Variants in TMEM132B observed in about 807,000 individuals in gnomAD.
TMEM132B encodes the protein transmembrane protein 132B.
TMEM132B carries 18 observed loss-of-function variants against 90.8 expected under a neutral mutation model. The ratio of observed to expected loss-of-function variants is 0.20; its 90% CI spans 0.14 to 0.29. The LOEUF (loss-of-function observed/expected upper bound fraction) is 0.29. TMEM132B is among the 10% of genes least tolerant of loss of function. The pLI, the probability that TMEM132B is intolerant of heterozygous loss-of-function variation, is 1.00. For missense variants in TMEM132B, 1,096 were observed against 1,326.8 expected (o/e 0.83, Z 2.70); for synonymous variants, 504 against 523.3 (o/e 0.96, Z 0.50).
chr12:125,267,241 G>A (rs561592208), intron 1 of TMEM132B, among the ~76,000 whole-genome samples: 1 of 152,244 alleles, frequency 6.6e-6, no homozygotes, highest in South Asian at 2.1e-4. Context: ...CCCTAGGCTG[G>A]TGTCTGTGTG....
At chr12:125,237,033 T>C (rs868446666) in intron 1 of TMEM132B, among the ~76,000 whole-genome samples, 15 of 152,152 alleles carry the variant, frequency 9.9e-5, no homozygotes, top group African/African-American at 3.4e-4. Context: ...CCCCACTGAG[T>C]GTCCTAAAGA....
chr12:125,315,591 C>T (rs566919161), intron 1 of TMEM132B, among the ~76,000 whole-genome samples: 13 of 152,276 alleles, frequency 8.5e-5, no homozygotes, highest in South Asian at 2.1e-4. Flanking sequence ...ATGATAGCCC[C>T]GATGCCGTGG....
chr12:125,231,209 G>A (rs1174538718), intron 1 of TMEM132B, among the ~76,000 whole-genome samples: 7 of 119,424 alleles, frequency 5.9e-5, no homozygotes, highest in African/African-American at 1.8e-4. Context: ...GCTGTCTTCC[G>A]TGTGTGTGTG....
At chr12:125,626,422 C>CAT (rs1886232722) in intron 5 of TMEM132B, among the ~76,000 whole-genome samples, 1 of 152,128 alleles carries the variant, frequency 6.6e-6, no homozygotes, top group African/African-American at 2.4e-5. Flanking sequence ...ATTGCTGGAT[C>CAT]ATATGGTAGT....
chr12:125,359,938 C>T (rs560031989), intron 2 of TMEM132B, among the ~76,000 whole-genome samples: 1 of 152,190 alleles, frequency 6.6e-6, no homozygotes, highest in South Asian at 2.1e-4. Context: ...ATTAGCTGGG[C>T]GTGGTGGCAC....
intron 3 of TMEM132B, among the ~76,000 whole-genome samples, chr12:125,453,445 G>T (rs1306446147): frequency 6.6e-6 from 1 of 152,104 alleles, no homozygotes; most frequent in Admixed American, 6.5e-5. Flanking sequence ...CAAAGCAAGA[G>T]CATTAATGTA....
At chr12:125,521,337 A>T (rs1883301181) in intron 4 of TMEM132B, among the ~76,000 whole-genome samples, 1 of 150,104 alleles carries the variant, frequency 6.7e-6, no homozygotes, top group African/African-American at 2.5e-5. Flanking sequence ...CCTTTTCCTT[A>T]TTCCAAAGCA....
chr12:125,503,998 G>A (rs1882766216), intron 3 of TMEM132B, among the ~76,000 whole-genome samples: 1 of 152,196 alleles, frequency 6.6e-6, no homozygotes, highest in Non-Finnish European at 1.5e-5. Context: ...GAAAGATTTC[G>A]AGGCTGTTGT....
chr12:125,433,665 C>T (rs1880610443), intron 3 of TMEM132B, among the ~76,000 whole-genome samples: 2 of 97,000 alleles, frequency 2.1e-5, no homozygotes, highest in African/African-American at 8.1e-5. Flanking sequence ...TGCTATCCCT[C>T]CCCCCTCCCC....
chr12:125,450,007 T>C (rs187240493), intron 3 of TMEM132B, among the ~76,000 whole-genome samples: 90 of 152,324 alleles, frequency 5.9e-4, no homozygotes, highest in Middle Eastern at 6.8e-3. Context: ...AAACTGTGTA[T>C]TCACATTTGT....
chr12:125,276,376 C>T (rs1388775756), intron 1 of TMEM132B, among the ~76,000 whole-genome samples: 1 of 152,134 alleles, frequency 6.6e-6, no homozygotes, highest in Non-Finnish European at 1.5e-5. Context: ...ATCACAGTGA[C>T]CAGAACTGCA....
At chr12:125,540,903 T>C (rs1883937902) in intron 4 of TMEM132B, among the ~76,000 whole-genome samples, 1 of 152,242 alleles carries the variant, frequency 6.6e-6, no homozygotes, top group African/African-American at 2.4e-5. Flanking sequence ...TGACTTCACC[T>C]CCTAATCACT....
At chr12:125,195,855 G>C (rs902922618) in intron 1 of TMEM132B, among the ~76,000 whole-genome samples, 2 of 152,170 alleles carry the variant, frequency 1.3e-5, no homozygotes, top group African/African-American at 4.8e-5. Context: ...GCTTGGCAGG[G>C]TCGAGGGACA....
At chr12:125,474,279 C>CCCCTCCCCTT in intron 3 of TMEM132B, among the ~76,000 whole-genome samples, 1 of 136,104 alleles carries the variant, frequency 7.3e-6, no homozygotes, top group African/African-American at 2.9e-5. Context: ...TCCCTCCCCT[C>CCCCTCCCCTT]CCCTCCCCTT....
chr12:125,230,684 TC>T (rs1444309420), intron 1 of TMEM132B, among the ~76,000 whole-genome samples: 2 of 150,778 alleles, frequency 1.3e-5, no homozygotes, highest in African/African-American at 4.9e-5. Flanking sequence ...TTTTTTTTTT[TC>T]AGTAGAGACG....
At chr12:125,523,031 T>C (rs1883350318) in intron 4 of TMEM132B, among the ~76,000 whole-genome samples, 1 of 152,172 alleles carries the variant, frequency 6.6e-6, no homozygotes, top group Admixed American at 6.5e-5. Flanking sequence ...GCTTGCTGGA[T>C]GTTTTTTCAG....
At chr12:125,239,473 T>C (rs1175695807) in intron 1 of TMEM132B, among the ~76,000 whole-genome samples, 2 of 152,122 alleles carry the variant, frequency 1.3e-5, no homozygotes, top group African/African-American at 4.8e-5. Flanking sequence ...ACTTAGGGAG[T>C]TCCACTGGAT....
intron 3 of TMEM132B, among the ~76,000 whole-genome samples, chr12:125,513,058 C>T (rs1883022394): frequency 6.6e-6 from 1 of 152,318 alleles, no homozygotes; most frequent in Admixed American, 6.5e-5. Context: ...CTAGCCCAGT[C>T]CTCAAAGCTC....
At chr12:125,218,143 A>G (rs1873479791) in intron 1 of TMEM132B, among the ~76,000 whole-genome samples, 1 of 152,148 alleles carries the variant, frequency 6.6e-6, no homozygotes, top group Admixed American at 6.5e-5. Flanking sequence ...CACCCTAAGG[A>G]GTCCTATAAG....
Sources: allele counts gnomAD v4.1 joint callset (sites outside exome capture counted in the v4.1 genomes callset), GRCh38; gene constraint gnomAD v4.1.1; transcripts MANE v1.5; gene names NCBI Gene and HGNC (gene_info 2026-07-23, HGNC 2026-07-21).